FSHB: variants seen among roughly 807,000 people sequenced by gnomAD.
FSHB encodes the protein follicle stimulating hormone subunit beta, also known as follitropin subunit beta.
In FSHB, 8 loss-of-function variants were observed where a neutral mutation model predicts 12.1. That is an observed-to-expected ratio of 0.66 (90% CI 0.39 to 1.19). The LOEUF (loss-of-function observed/expected upper bound fraction) is 1.19, where lower values mean the gene tolerates loss of function less well. Ranked by LOEUF, FSHB falls within the 50% of genes most tolerant of loss-of-function variation. FSHB has a pLI of 0.01. For missense variants in FSHB, 153 were observed against 157.2 expected (o/e 0.97, Z 0.14); for synonymous variants, 55 against 54.6 (o/e 1.01, Z -0.04).
At chr11:30,233,158 A>T (rs773282807) in intron 2 of FSHB, among the ~76,000 whole-genome samples, 5 of 152,282 alleles carry the variant, frequency 3.3e-5, no homozygotes, top group South Asian at 2.1e-4. Flanking sequence ...TATATTTTTG[A>T]CCTTTTATAA....
rs1272098679 is a variant in FSHB at position 30,234,789 on chromosome 11, A to G, written c.*989A>G. On this transcript the variant is annotated 3_prime_UTR_variant, in exon 3 of 3. Coordinates refer to ENST00000533718, the MANE Select transcript of FSHB (RefSeq NM_001382289.1). ...TGTATAAATAAATAGCTCCTTTAGAAAGAATTAGCCATGGGGGACGAGGGG... is the reference window on the plus strand; with the variant it reads ...TGTATAAATAAATAGCTCCTTTAGAGAGAATTAGCCATGGGGGACGAGGGG... 1 of 152,206 alleles carries G rather than the reference A, an allele frequency of 6.6e-6. No homozygotes were observed. Among genetic ancestry groups the G allele is most frequent in the East Asian group, 1.9e-4 (1 of 5,202 alleles). The allele number at this position is 152,206 out of a possible 1,614,324, so 9.4% of individuals were successfully genotyped here. A position where few individuals can be genotyped will look rare whatever the true frequency, so the allele number is the denominator to read the frequency against.
chr11:30,232,371 A>C (rs1247918021), intron 2 of FSHB, among the ~76,000 whole-genome samples: 2 of 152,234 alleles, frequency 1.3e-5, no homozygotes, highest in African/African-American at 4.8e-5. Context: ...TAAACATGGA[A>C]ACATACATAT....
rs1288850459 is a variant in FSHB at position 30,235,032 on chromosome 11, C to G, written c.*1232C>G. 5 of 152,088 alleles carry G rather than the reference C, an allele frequency of 3.3e-5. No homozygotes were observed. The highest frequency in any genetic ancestry group is 2.9e-5 in the Non-Finnish European group (2 of 68,024). 9.4% of individuals were successfully genotyped at this position (152,088 alleles called of 1,614,324 possible). A position where few individuals can be genotyped will look rare whatever the true frequency, so the allele number is the denominator to read the frequency against. The stretch of plus-strand genomic sequence containing the variant: ...CTTATTTTTTTAATAAAGATGCTAG[C>G]CACCAGAGTCACAGGCTTGGATTGT... On this transcript the variant is annotated 3_prime_UTR_variant, in exon 3 of 3. Coordinates refer to ENST00000533718, the MANE Select transcript of FSHB (RefSeq NM_001382289.1).
Position 30,234,950 on chromosome 11 carries a change from C to G in FSHB, c.*1150C>G, listed in dbSNP as rs573052973. On this transcript the variant is annotated 3_prime_UTR_variant, in exon 3 of 3. Transcript: ENST00000533718. ...AGTTGATTTCTTTTAAACGTGTTAACTGTCTTAGTTATGCACTCAGTTTCA... is the reference window on the plus strand; with the variant it reads ...AGTTGATTTCTTTTAAACGTGTTAAGTGTCTTAGTTATGCACTCAGTTTCA... 4.6e-4 allele frequency: 70 copies of G among 152,158 alleles called. No individual in the cohort carries two copies. The highest frequency in any genetic ancestry group is 1.6e-3 in the African/African-American group (68 of 41,528). The allele number at this position is 152,158 out of a possible 1,614,324, so 9.4% of individuals were successfully genotyped here.
chr11:30,231,072 T>C (rs1366919040), intron 1 of FSHB, 24 bp downstream of exon 1: 6 of 152,234 alleles, frequency 3.9e-5, no homozygotes, highest in South Asian at 2.1e-4. Flanking sequence ...TCTACCGTTT[T>C]CAAGTGGTGA....
rs374623109 is a variant in FSHB, at chr11:30,233,753, C to T, written c.343C>T (p.Arg115Ter). Reference protein sequence around the residue: ...CDSDSTDCTVRGLGPSYCSFG... With the variant: ...CDSDSTDCTV The stretch of plus-strand genomic sequence containing the variant: ...CAGCGACAGCACTGATTGTACTGTG[C>T]GAGGCCTGGGGCCCAGCTACTGCTC... The change falls in exon 3 of 3, where the codon CGA becomes TGA. Residue 115 changes from arginine to a stop codon, truncating the protein, a stop_gained. Transcript: ENST00000533718. LOFTEE classifies it high-confidence loss of function. The T allele has an allele frequency of 6.8e-6, 11 of 1,613,864 alleles. No individual in the cohort carries two copies. The highest frequency in any genetic ancestry group is 2.2e-5 in the East Asian group (1 of 44,880).
rs938925077 is a variant in FSHB at position 30,234,231 on chromosome 11, C to T, written c.*431C>T. 7 of 236,846 alleles carry T rather than the reference C, an allele frequency of 3.0e-5. No homozygotes were observed. The highest frequency in any genetic ancestry group is 2.0e-4 in the East Asian group (2 of 10,062). The allele number at this position is 236,846 out of a possible 1,614,324, so 14.7% of individuals were successfully genotyped here. A position where few individuals can be genotyped will look rare whatever the true frequency, so the allele number is the denominator to read the frequency against. On this transcript the variant is annotated 3_prime_UTR_variant, in exon 3 of 3. Transcript: ENST00000533718. The stretch of plus-strand genomic sequence containing the variant: ...AAGGTCAGCATCTTCAGCATTGTAG[C>T]GTCAATGCCTAGCACTCTGCCTGGA...
In FSHB at chr11:30,231,966, G is replaced by C. The variant is rs750183642; in HGVS notation, c.64G>C (p.Glu22Gln). 1 of 1,613,960 alleles carries C rather than the reference G, an allele frequency of 6.2e-7. No individual in the cohort carries two copies. Among genetic ancestry groups the C allele is most frequent in the South Asian group, 1.1e-5 (1 of 91,080 alleles). Reference protein sequence around the residue: ...CWKAICCNSCELTNITIAIEK... With the variant: ...CWKAICCNSCQLTNITIAIEK... Reference sequence around the variant, plus strand: ...GAAAGCAATCTGCTGCAATAGCTGTGAGCTGACCAACATCACCATTGCAAT... The same window carrying C: ...GAAAGCAATCTGCTGCAATAGCTGTCAGCTGACCAACATCACCATTGCAAT... The change falls in exon 2 of 3, where the codon GAG (glutamate) becomes CAG (glutamine). Residue 22 changes from glutamate to glutamine, a missense_variant. By Grantham distance (29) the Glu-to-Gln change is conservative. Coordinates refer to ENST00000533718, the MANE Select transcript of FSHB (RefSeq NM_001382289.1).
chr11:30,231,778 A>G lies in FSHB; in HGVS notation c.-37-88A>G, dbSNP rs1852009872. 1.3e-5 allele frequency: 14 copies of G among 1,047,572 alleles called. No individual in the cohort carries two copies. In the South Asian group the frequency reaches 1.9e-4, roughly 14 times the overall value. The allele number at this position is 1,047,572 out of a possible 1,614,324, so 64.9% of individuals were successfully genotyped here. The stretch of plus-strand genomic sequence containing the variant: ...CATAAGGAAGGAAAAAAAACTTTTG[A>G]AGCAAAATGTGATTGAGGAGGATGA... On this transcript the variant is annotated intron_variant, in intron 1 of 2. Transcript: ENST00000533718.
At chr11:30,232,422 T>C (rs1852021043) in intron 2 of FSHB, among the ~76,000 whole-genome samples, 1 of 152,174 alleles carries the variant, frequency 6.6e-6, no homozygotes, top group Admixed American at 6.5e-5. Flanking sequence ...ATAAAGGCAA[T>C]TTCTTTAACT....
chr11:30,231,813 T>C lies in FSHB; in HGVS notation c.-37-53T>C, dbSNP rs541537345. ...TGATTGAGGAGGATGAGCAGACCAA[T>C]TATTTTTGGTTTGGTCAGCTTACAT... On this transcript the variant is annotated intron_variant, in intron 1 of 2. Transcript: ENST00000533718. 202 of 1,424,370 alleles carry C rather than the reference T, an allele frequency of 1.4e-4. No individual in the cohort carries two copies. The African/African-American group carries it at 2.5e-3, about 18-fold the overall frequency. The allele number at this position is 1,424,370 out of a possible 1,614,324, so 88.2% of individuals were successfully genotyped here. A position where few individuals can be genotyped will look rare whatever the true frequency, so the allele number is the denominator to read the frequency against.
In FSHB at chr11:30,233,606, C is replaced by T; in HGVS notation, c.196C>T (p.Gln66Ter). The T allele has an allele frequency of 6.2e-7, 1 of 1,613,968 alleles. No homozygotes were observed. ...TAAGGACCCAGCCAGGCCCAAAATC[C>T]AGAAAACATGTACCTTCAAGGAACT... is the stretch of plus-strand genomic sequence containing the variant. ...VYKDPARPKI[Q>*]KTCTFKELVY... The change falls in exon 3 of 3, where the codon CAG becomes TAG. Residue 66 changes from glutamine (Q) to a stop codon, truncating the protein, a stop_gained. Coordinates refer to ENST00000533718, the MANE Select transcript of FSHB (RefSeq NM_001382289.1). LOFTEE classifies it high-confidence loss of function.
At chr11:30,232,378 A>G (rs530918761) in intron 2 of FSHB, among the ~76,000 whole-genome samples, 2 of 152,234 alleles carry the variant, frequency 1.3e-5, no homozygotes, top group Non-Finnish European at 2.9e-5. Flanking sequence ...GGAAACATAC[A>G]TATATTTAAT....
chr11:30,232,194 T>C (rs1031782091), intron 2 of FSHB, 133 bp downstream of exon 2: 38 of 918,068 alleles, frequency 4.1e-5, no homozygotes, highest in Non-Finnish European at 5.6e-5. Context: ...ACTGTCTGTG[T>C]TGTGATTGGG....
intron 2 of FSHB, among the ~76,000 whole-genome samples, chr11:30,233,126 T>G (rs1395437965): frequency 1.3e-5 from 2 of 152,200 alleles, no homozygotes; most frequent in Non-Finnish European, 2.9e-5. Context: ...CATGTTAACT[T>G]AAGCATTAAA....
rs1852014444 is a variant in FSHB, at chr11:30,232,017, A to C, written c.115A>C (p.Ile39Leu). 2 of 1,614,002 alleles carry C rather than the reference A, an allele frequency of 1.2e-6. No homozygotes were observed. The highest frequency in any genetic ancestry group is 1.7e-6 in the Non-Finnish European group (2 of 1,179,884). The change falls in exon 2 of 3, where the codon ATA becomes CTA. Residue 39 changes from isoleucine to leucine, a missense_variant. Ile to Leu is a conservative substitution (Grantham distance 5). Transcript: ENST00000533718. ...AIEKEECRFC[I>L]SINTTWCAGY... ...AGAGAAAGAAGAATGTCGTTTCTGC[A>C]TAAGCATCAACACCACTTGGTGTGC...
Position 30,233,826 on chromosome 11 carries a change from TA to T in FSHB, c.*27del. 6.3e-7 allele frequency: 1 copy of T among 1,581,458 alleles called. No homozygotes were observed. The highest frequency in any genetic ancestry group is 8.7e-7 in the Non-Finnish European group (1 of 1,151,332). ...AGATCAGTGGACATTTCAGGCCACA[TA>T]CCCTTGTCCTGAAGGACCAAGATAT... On this transcript the variant is annotated 3_prime_UTR_variant, in exon 3 of 3. Coordinates refer to ENST00000533718, the MANE Select transcript of FSHB (RefSeq NM_001382289.1).
In FSHB at chr11:30,233,563, T is replaced by G; in HGVS notation, c.160-7T>G. On this transcript the variant is annotated splice_region_variant and splice_polypyrimidine_tract_variant and intron_variant, in intron 2 of 2. Transcript: ENST00000533718. ...CCATAACCTAACTCTCTTCTTAAAC[T>G]CCTCAGGATCTGGTGTATAAGGACC... 2 of 1,606,568 alleles carry G rather than the reference T, an allele frequency of 1.2e-6. No individual in the cohort carries two copies. The highest frequency in any genetic ancestry group is 1.7e-6 in the Non-Finnish European group (2 of 1,173,210).
intron 2 of FSHB, among the ~76,000 whole-genome samples, chr11:30,232,314 C>A (rs1352679802): frequency 6.6e-6 from 1 of 152,096 alleles, no homozygotes; most frequent in Non-Finnish European, 1.5e-5. Context: ...AACTTTGCAT[C>A]TACAGGGAAA....
Sources: gnomAD v4.1 joint callset for allele counts (sites outside exome capture counted in the v4.1 genomes callset) on GRCh38, gnomAD v4.1.1 for gene constraint, MANE v1.5 for transcripts, NCBI Gene and HGNC (gene_info 2026-07-23, HGNC 2026-07-21) for gene names.